The following ARHGEF6 variants were observed in gnomAD, a reference collection of about 807,000 sequenced individuals.
The protein encoded by ARHGEF6 is Rac/Cdc42 guanine nucleotide exchange factor 6, also known as rho guanine nucleotide exchange factor 6.
Under a neutral mutation model 70.3 loss-of-function variants are expected in ARHGEF6, and 9 were observed. The observed-to-expected ratio is 0.13, with a 90% CI of 0.08 to 0.22. The LOEUF is 0.22. Among genes scored for constraint, ARHGEF6 ranks in the 10% least tolerant of loss-of-function variants. The pLI, the probability that ARHGEF6 is intolerant of heterozygous loss-of-function variation, is 1.00. For missense variants in ARHGEF6, 470 were observed against 563.0 expected, an observed-to-expected ratio of 0.83 and a Z score of 1.67; for synonymous variants, 201 against 207.8, an observed-to-expected ratio of 0.97 and a Z score of 0.28.
chrX:136,734,416 A>G (rs2076966060), intron 5 of ARHGEF6, among the ~76,000 whole-genome samples: 1 of 112,013 alleles, frequency 8.9e-6, no homozygotes, highest in African/African-American at 3.2e-5. Flanking sequence ...AAATGAACCA[A>G]TTCCTCAGAA....
chrX:136,676,664 A>C lies in ARHGEF6; in HGVS notation c.1905T>G (p.Thr635=). ...TMKKFLHKRK[T]ERKPSEEEYV... is the part of the protein sequence containing the mutation. ...ATTCCTCCTCCGATGGTTTTCTCTCAGTCTTCCTTTTATGAAGAAATTTCT... is the reference window on the plus strand; with the variant it reads ...ATTCCTCCTCCGATGGTTTTCTCTCCGTCTTCCTTTTATGAAGAAATTTCT... The change falls in exon 18 of 22, where the codon ACT becomes ACG. Residue 635 remains threonine (T), a synonymous_variant. Coordinates refer to ENST00000250617, the MANE Select transcript of ARHGEF6 (RefSeq NM_004840.3). 3.3e-6 allele frequency: 4 copies of C among 1,209,286 alleles called. No homozygotes were observed. The South Asian group carries it at 5.3e-5, about 16-fold the overall frequency.
intron 2 of ARHGEF6, chrX:136,767,637 G>C (rs2077330925): frequency 1.3e-6 from 1 of 752,863 alleles, no homozygotes; most frequent in Non-Finnish European, 1.6e-6. Context: ...GTGGCGAGTG[G>C]AGGGGAGCGA....
intron 2 of ARHGEF6, among the ~76,000 whole-genome samples, chrX:136,766,867 C>T (rs1444040500): frequency 8.9e-6 from 1 of 112,517 alleles, no homozygotes; most frequent in Non-Finnish European, 1.9e-5. Flanking sequence ...AGGAAAGAAT[C>T]CAGTCGGATG....
intron 5 of ARHGEF6, among the ~76,000 whole-genome samples, chrX:136,732,829 T>A (rs1311501891): frequency 2.7e-5 from 3 of 111,594 alleles, no homozygotes; most frequent in East Asian, 5.6e-4. Flanking sequence ...GATGGGTTTA[T>A]CAGTATGTAA....
chrX:136,681,584 A>G (rs978324605), intron 14 of ARHGEF6, among the ~76,000 whole-genome samples: 2 of 112,542 alleles, frequency 1.8e-5, no homozygotes, highest in Non-Finnish European at 3.7e-5. Context: ...ACCAGGGAAC[A>G]AATGACAGAG....
intron 2 of ARHGEF6, among the ~76,000 whole-genome samples, chrX:136,772,690 C>G (rs1343981206): frequency 1.8e-5 from 2 of 111,334 alleles, no homozygotes; most frequent in Non-Finnish European, 3.8e-5. Flanking sequence ...GGCAAAACCC[C>G]GTCTCTACTT....
chrX:136,767,661 C>CA (rs2077331474), intron 2 of ARHGEF6: 1 of 752,674 alleles, frequency 1.3e-6, no homozygotes, highest in Admixed American at 8.6e-5. Flanking sequence ...CCGGGGGAGC[C>CA]AGCCCGCGAA....
chrX:136,706,783 T>C, intron 9 of ARHGEF6, 125 bp downstream of exon 9: 1 of 922,992 alleles, frequency 1.1e-6, no homozygotes. Context: ...CATGTAACAA[T>C]GAATCAATTC....
At chrX:136,727,379 TTCTTTCTTTCTTTCTTTCTCTC>T (rs2076873019) in intron 6 of ARHGEF6, among the ~76,000 whole-genome samples, 1 of 62,676 alleles carries the variant, frequency 1.6e-5, no homozygotes, top group African/African-American at 6.1e-5. Flanking sequence ...CTTTCTTTCT[TTCTTTCTTTCTTTCTTTCTCTC>T]TCTCTCTCTC....
chrX:136,685,965 T>G, intron 11 of ARHGEF6, 142 bp from the exon 12 acceptor site: 3 of 614,231 alleles, frequency 4.9e-6, no homozygotes, highest in Non-Finnish European at 5.1e-6. Flanking sequence ...CCCAGGCCTG[T>G]TCTTGATAGA....
intron 19 of ARHGEF6, among the ~76,000 whole-genome samples, chrX:136,673,222 G>A (rs1718051154): frequency 8.9e-6 from 1 of 112,007 alleles, no homozygotes; most frequent in African/African-American, 3.2e-5. Context: ...TTTACATCAG[G>A]GACTTGAGCA....
intron 19 of ARHGEF6, 144 bp from the exon 20 acceptor site, chrX:136,672,263 C>T: frequency 2.0e-6 from 1 of 512,079 alleles, no homozygotes; most frequent in Non-Finnish European, 3.4e-6. Context: ...AGGACAGTCA[C>T]CCATCATTTG....
intron 11 of ARHGEF6, among the ~76,000 whole-genome samples, chrX:136,687,567 G>A (rs1173015653): frequency 8.9e-6 from 1 of 112,004 alleles, no homozygotes; most frequent in African/African-American, 3.2e-5. Flanking sequence ...GGCATAACTA[G>A]TTGAATCCAG....
At chrX:136,711,584 A>T (rs1426293714) in intron 7 of ARHGEF6, among the ~76,000 whole-genome samples, 2 of 111,549 alleles carry the variant, frequency 1.8e-5, no homozygotes, top group Non-Finnish European at 3.8e-5. Context: ...TTTTTTTGAG[A>T]TGGAGTCTCA....
chrX:136,684,050 G>T (rs1287206838), intron 12 of ARHGEF6, among the ~76,000 whole-genome samples: 1 of 111,743 alleles, frequency 8.9e-6, no homozygotes. Context: ...TCTCTGCATT[G>T]ATCCATCCCT....
At chrX:136,767,915 C>A in intron 2 of ARHGEF6, 1 of 517,324 alleles carries the variant, frequency 1.9e-6, no homozygotes, top group Non-Finnish European at 2.4e-6. Flanking sequence ...GTACCCGCGG[C>A]GGCCACACTG....
intron 5 of ARHGEF6, 72 bp downstream of exon 5, chrX:136,743,513 C>T: frequency 9.3e-7 from 1 of 1,072,394 alleles, no homozygotes; most frequent in Non-Finnish European, 1.3e-6. Context: ...ATTAAAACTA[C>T]ACAATTTTCA....
At chrX:136,727,447 TTCTTTCTTTCCTTCTTTCTTTCTC>T (rs2076880567) in intron 6 of ARHGEF6, among the ~76,000 whole-genome samples, 1 of 101,361 alleles carries the variant, frequency 9.9e-6, no homozygotes, top group Non-Finnish European at 2.0e-5. Flanking sequence ...CTTTCTTTCA[TTCTTTCTTTCCTTCTTTCTTTCTC>T]TCTTTCTTTC....
chrX:136,736,631 G>A lies in ARHGEF6; in HGVS notation c.662-4459C>T, dbSNP rs1003725350. Among the ~76,000 whole-genome samples, 9 of 110,822 alleles carry A rather than the reference G, an allele frequency of 8.1e-5. 1 individual carries two copies. The highest frequency in any genetic ancestry group is 1.3e-4 in the African/African-American group (4 of 30,381). ...ATGTTAAAAAGAGGTGTGTGTGTGTGTGTGTGTGTGTGTGTGTGTTTCACA... is the reference window on the plus strand; with the variant it reads ...ATGTTAAAAAGAGGTGTGTGTGTGTATGTGTGTGTGTGTGTGTGTTTCACA... On this transcript the variant is annotated intron_variant, in intron 5 of 21. Transcript: ENST00000250617.
Sources: gnomAD v4.1 joint callset for allele counts (sites outside exome capture counted in the v4.1 genomes callset) on GRCh38, gnomAD v4.1.1 for gene constraint, MANE v1.5 for transcripts, NCBI Gene and HGNC (gene_info 2026-07-23, HGNC 2026-07-21) for gene names.